The following PCDHGB5 variants were observed in gnomAD, a reference collection of about 807,000 sequenced individuals.
PCDHGB5 encodes the protein protocadherin gamma-B5.
Under a neutral mutation model 62.9 loss-of-function variants are expected in PCDHGB5, and 48 were observed. The ratio of observed to expected loss-of-function variants is 0.76; its 90% CI spans 0.61 to 0.97. The LOEUF (loss-of-function observed/expected upper bound fraction) is 0.97, where lower values mean the gene tolerates loss of function less well. Ranked by LOEUF, PCDHGB5 falls within the 50% of genes least tolerant of loss-of-function variation. The pLI, the probability that PCDHGB5 is intolerant of heterozygous loss-of-function variation, is 0.00. For missense variants in PCDHGB5, 1,118 were observed against 1,198.6 expected, an observed-to-expected ratio of 0.93 and a Z score of 0.99; for synonymous variants, 474 against 511.2, an observed-to-expected ratio of 0.93 and a Z score of 0.98.
intron 1 of PCDHGB5, among the ~76,000 whole-genome samples, chr5:141,492,090 C>T (rs751238997): frequency 1.4e-4 from 21 of 152,258 alleles, no homozygotes; most frequent in Admixed American, 6.5e-5. Flanking sequence ...GCACGCTTCG[C>T]CGGTCTGTAG....
In PCDHGB5 at chr5:141,400,054, C is replaced by T; in HGVS notation, c.1927C>T (p.Arg643Cys). The change falls in exon 1 of 4, where the codon CGT becomes TGT. Residue 643 changes from arginine (R) to cysteine (C), a missense_variant. By Grantham distance (180) the Arg-to-Cys change is radical (BLOSUM62 -3). This residue lies in a region of PCDHGB5 where 1,034 missense variants were observed against 1,029.1 expected (regional missense o/e 1.00). Coordinates refer to ENST00000617380, the MANE Select transcript of PCDHGB5 (RefSeq NM_018925.3). The part of the protein sequence containing the change: ...AARQRLLVAV[R>C]DGGQPPLSAT... ...CCGCCAGCGCCTGCTGGTTGCTGTG[C>T]GTGATGGTGGACAGCCGCCACTCTC... 2 of 1,613,622 alleles carry T rather than the reference C, an allele frequency of 1.2e-6. No homozygotes were observed. The highest frequency in any genetic ancestry group is 1.7e-6 in the Non-Finnish European group (2 of 1,179,850).
chr5:141,456,800 TA>T (rs1038857337), intron 1 of PCDHGB5, among the ~76,000 whole-genome samples: 2 of 151,846 alleles, frequency 1.3e-5, no homozygotes, highest in African/African-American at 4.8e-5. Flanking sequence ...CCATCTCTAC[TA>T]AAAATACAAA....
At chr5:141,500,840 C>T (rs1394248251) in intron 2 of PCDHGB5, among the ~76,000 whole-genome samples, 1 of 151,966 alleles carries the variant, frequency 6.6e-6, no homozygotes, top group Non-Finnish European at 1.5e-5. Flanking sequence ...TGCTAATGGG[C>T]TTTTGCTACA....
intron 1 of PCDHGB5, chr5:141,427,818 G>T: frequency 6.5e-7 from 1 of 1,530,644 alleles, no homozygotes; most frequent in Non-Finnish European, 9.0e-7. Flanking sequence ...GAGCGGGGTG[G>T]TGGTCGCGCA....
intron 1 of PCDHGB5, chr5:141,427,054 C>T (rs1235803553): frequency 4.4e-6 from 2 of 457,580 alleles, no homozygotes; most frequent in Admixed American, 4.7e-5. Context: ...CCCCCAGGCA[C>T]CTCTGTACTA....
At position 141,422,501 on chromosome 5, in the gene PCDHGB5, C is replaced by T. The variant is rs1343881573; in HGVS notation, c.2397+21977C>T. On this transcript the variant is annotated intron_variant, in intron 1 of 3. Coordinates refer to ENST00000617380, the MANE Select transcript of PCDHGB5 (RefSeq NM_018925.3). ...CAGAGCTACAATATAACGTTGACAGCCACAGACCAGGGAAGCCCGCCTTTG... is the reference window on the plus strand; with the variant it reads ...CAGAGCTACAATATAACGTTGACAGTCACAGACCAGGGAAGCCCGCCTTTG... 9.3e-6 allele frequency: 15 copies of T among 1,613,810 alleles called. No individual in the cohort carries two copies. The highest frequency in any genetic ancestry group is 1.3e-5 in the Non-Finnish European group (15 of 1,179,872).
rs537334679 is a variant in PCDHGB5 at position 141,413,479 on chromosome 5, C to G, written c.2397+12955C>G. ...GATAGACCGGGAGGAGCTCTGCGCTCAGAGCGCGCGGTGCGTGGTGAGTTT... is the reference window on the plus strand; with the variant it reads ...GATAGACCGGGAGGAGCTCTGCGCTGAGAGCGCGCGGTGCGTGGTGAGTTT... On this transcript the variant is annotated intron_variant, in intron 1 of 3. Coordinates refer to ENST00000617380, the MANE Select transcript of PCDHGB5 (RefSeq NM_018925.3). 4.3e-6 allele frequency: 7 copies of G among 1,614,084 alleles called. No individual in the cohort carries two copies. In the African/African-American group the frequency reaches 6.7e-5, roughly 15 times the overall value.
chr5:141,408,176 G>C, intron 1 of PCDHGB5: 1 of 1,533,992 alleles, frequency 6.5e-7, no homozygotes, highest in South Asian at 1.2e-5. Flanking sequence ...TGGAAAAGCG[G>C]GGACCCAGCG....
Position 141,477,872 on chromosome 5 carries a change from G to A in PCDHGB5, c.2398-16935G>A. The stretch of plus-strand genomic sequence containing the variant: ...GGAGATGCTGCCTCGAGGTACCTCA[G>A]CTGGCCACCTAGTGTCACGGGTGGT... On this transcript the variant is annotated intron_variant, in intron 1 of 3. Coordinates refer to ENST00000617380, the MANE Select transcript of PCDHGB5 (RefSeq NM_018925.3). This position sits in a 1 kb window ranked among gnomAD's most constrained non-coding sequence, Gnocchi z 4.9. The A allele has an allele frequency of 6.2e-7, 1 of 1,614,180 alleles. No individual in the cohort carries two copies. Among genetic ancestry groups the A allele is most frequent in the African/African-American group, 1.3e-5 (1 of 75,058 alleles).
intron 1 of PCDHGB5, chr5:141,478,935 A>G: frequency 1.6e-6 from 1 of 638,574 alleles, no homozygotes. Flanking sequence ...GGCAGCTTCT[A>G]GGAATACAAA....
chr5:141,460,537 C>T (rs2098991642), intron 1 of PCDHGB5, among the ~76,000 whole-genome samples: 1 of 152,062 alleles, frequency 6.6e-6, no homozygotes, highest in African/African-American at 2.4e-5. Context: ...ATAATCTTAG[C>T]ACCTTAATCA....
At chr5:141,419,528 G>A (rs966922299) in intron 1 of PCDHGB5, 10 of 1,612,056 alleles carry the variant, frequency 6.2e-6, no homozygotes, top group Admixed American at 1.7e-5. Flanking sequence ...CGACCGTAAC[G>A]ACAACGCACC....
chr5:141,437,651 CAT>C (rs1255783396), intron 1 of PCDHGB5, among the ~76,000 whole-genome samples: 2 of 151,990 alleles, frequency 1.3e-5, no homozygotes, highest in Non-Finnish European at 2.9e-5. Context: ...AAAGCAAACA[CAT>C]AGTTTCGAAG....
intron 1 of PCDHGB5, among the ~76,000 whole-genome samples, chr5:141,468,247 C>T (rs925455907): frequency 6.7e-6 from 1 of 149,930 alleles, no homozygotes; most frequent in Non-Finnish European, 1.5e-5. Flanking sequence ...ATTGCCTGAA[C>T]CTGGGAGGCA....
chr5:141,403,079 T>C (rs770770660), intron 1 of PCDHGB5: 3 of 1,614,064 alleles, frequency 1.9e-6, no homozygotes, highest in Non-Finnish European at 1.7e-6. Flanking sequence ...AGAAAAGGGC[T>C]ATATTGTGGG....
chr5:141,435,760 T>C (rs1241767830), intron 1 of PCDHGB5, among the ~76,000 whole-genome samples: 1 of 152,172 alleles, frequency 6.6e-6, no homozygotes, highest in Non-Finnish European at 1.5e-5. Context: ...TTGATTTCTT[T>C]TGGTGAATTC....
At chr5:141,478,498 G>A in intron 1 of PCDHGB5, 8 of 1,612,712 alleles carry the variant, frequency 5.0e-6, no homozygotes, top group South Asian at 1.1e-5. Context: ...GCTGTGATCC[G>A]GTGTTCTATA....
Position 141,438,619 on chromosome 5 carries a change from T to C in PCDHGB5, c.2397+38095T>C, listed in dbSNP as rs1053855444. Reference sequence around the variant, plus strand: ...ATATATATATATATATATATATATATATATATATATATATATACACACACA... The same window carrying C: ...ATATATATATATATATATATATATACATATATATATATATATACACACACA... On this transcript the variant is annotated intron_variant, in intron 1 of 3. Transcript: ENST00000617380. 1.0e-4 allele frequency among the ~76,000 whole-genome samples: 4 copies of C among 39,678 alleles called. No homozygotes were observed. The East Asian group carries it at 2.5e-3, about 25-fold the overall frequency. The allele number at this position is 39,678 out of a possible 152,430, so 26.0% of individuals were successfully genotyped here.
chr5:141,411,868 A>G (rs2095520425), intron 1 of PCDHGB5: 1 of 152,224 alleles, frequency 6.6e-6, no homozygotes, highest in South Asian at 2.1e-4. Flanking sequence ...TCAAAAAAAA[A>G]AGACATTTCT....
Sources: allele counts gnomAD v4.1 joint callset (sites outside exome capture counted in the v4.1 genomes callset), GRCh38; gene constraint gnomAD v4.1.1; regional missense constraint gnomAD v4.1.1; non-coding constraint Gnocchi (gnomAD v3.1); transcripts MANE v1.5; gene names NCBI Gene and HGNC (gene_info 2026-07-23, HGNC 2026-07-21).